The following DOCK2 variants were observed in gnomAD, a reference collection of about 807,000 sequenced individuals.
The protein encoded by DOCK2 is dedicator of cytokinesis protein 2.
In DOCK2, 87 loss-of-function variants were observed where a neutral mutation model predicts 248.9. The ratio of observed to expected loss-of-function variants is 0.35; its 90% CI spans 0.29 to 0.42. DOCK2 has a LOEUF of 0.42. Ranked by LOEUF, DOCK2 falls within the 10% of genes least tolerant of loss-of-function variation. The pLI is 1.00. For synonymous variants in DOCK2, 805 were observed against 821.6 expected, an observed-to-expected ratio of 0.98 and a Z score of 0.35; for missense variants, 1,747 against 2,300.2, an observed-to-expected ratio of 0.76 and a Z score of 4.92.
intron 22 of DOCK2, among the ~76,000 whole-genome samples, chr5:169,731,409 C>T (rs1316687121): frequency 6.6e-6 from 1 of 152,170 alleles, no homozygotes; most frequent in African/African-American, 2.4e-5. Context: ...CACAAGCTCC[C>T]TCTTTGCCTG....
At chr5:170,041,901 G>A in intron 37 of DOCK2, 112 bp from the exon 38 acceptor site, 2 of 1,308,894 alleles carry the variant, frequency 1.5e-6, no homozygotes, top group Non-Finnish European at 1.0e-6. Flanking sequence ...GAGGAGAGAT[G>A]GAAAGGACAG....
chr5:169,861,133 T>C (rs974330511), intron 27 of DOCK2, among the ~76,000 whole-genome samples: 2 of 152,192 alleles, frequency 1.3e-5, no homozygotes, highest in Non-Finnish European at 2.9e-5. Context: ...CGGGGCTTCA[T>C]GTGATCATCG....
chr5:169,871,954 G>A (rs1226088301), intron 27 of DOCK2, among the ~76,000 whole-genome samples: 2 of 152,204 alleles, frequency 1.3e-5, no homozygotes, highest in Admixed American at 1.3e-4. Flanking sequence ...TCTTGGGTCT[G>A]GTATAGCCTG....
At chr5:169,880,481 G>C (rs1001892670) in intron 27 of DOCK2, among the ~76,000 whole-genome samples, 3 of 152,172 alleles carry the variant, frequency 2.0e-5, no homozygotes, top group Non-Finnish European at 4.4e-5. Context: ...AAGCAAAACT[G>C]TTCACTTTGG....
intron 19 of DOCK2, among the ~76,000 whole-genome samples, chr5:169,715,769 T>A (rs1761873907): frequency 6.6e-6 from 1 of 152,098 alleles, no homozygotes. Context: ...GTAGATTCCC[T>A]CATACCCCTT....
At position 169,928,917 on chromosome 5, in the gene DOCK2, A is replaced by C. The variant is rs1204012770; in HGVS notation, c.2800-54151A>C. Among the ~76,000 whole-genome samples, 4 of 152,212 alleles carry C rather than the reference A, an allele frequency of 2.6e-5. No individual in the cohort carries two copies. The East Asian group carries it at 7.7e-4, about 29-fold the overall frequency. On this transcript the variant is annotated intron_variant, in intron 27 of 51. Transcript: ENST00000520908. Reference sequence around the variant, plus strand: ...CTGTTCCTGCTTGAATAGTGGAATAATTAGCAGATAACTGCGCTATTAATT... The same window carrying C: ...CTGTTCCTGCTTGAATAGTGGAATACTTAGCAGATAACTGCGCTATTAATT...
At chr5:169,866,327 G>A (rs1349726256) in intron 27 of DOCK2, among the ~76,000 whole-genome samples, 2 of 152,158 alleles carry the variant, frequency 1.3e-5, no homozygotes, top group East Asian at 1.9e-4. Flanking sequence ...ATGAAACATA[G>A]GCTGTGGTTT....
chr5:169,811,444 G>A (rs1235514313), intron 26 of DOCK2, among the ~76,000 whole-genome samples: 1 of 152,240 alleles, frequency 6.6e-6, no homozygotes, highest in Non-Finnish European at 1.5e-5. Context: ...AAGGCTTGCT[G>A]AAATTCTTTT....
intron 27 of DOCK2, chr5:169,883,392 T>A: frequency 6.4e-7 from 1 of 1,551,650 alleles, no homozygotes; most frequent in South Asian, 1.2e-5. Context: ...TTGGGAGGAA[T>A]GCATGGGACA....
intron 26 of DOCK2, among the ~76,000 whole-genome samples, chr5:169,830,730 A>C (rs997986726): frequency 6.6e-6 from 1 of 152,202 alleles, no homozygotes; most frequent in African/African-American, 2.4e-5. Context: ...TGTTTTGCTT[A>C]TTTAGCTGGT....
At chr5:169,702,055 A>G in intron 13 of DOCK2, 1 of 327,904 alleles carries the variant, frequency 3.0e-6, no homozygotes. Context: ...GTCGAGAAAA[A>G]CATGGCCAAT....
At chr5:169,717,349 G>T (rs1325521732) in intron 20 of DOCK2, 35 bp from the exon 21 acceptor site, 1 of 1,586,310 alleles carries the variant, frequency 6.3e-7, no homozygotes, top group African/African-American at 1.3e-5. Context: ...CCCTGGGTTT[G>T]CCCTGAAAAT....
intron 25 of DOCK2, among the ~76,000 whole-genome samples, chr5:169,785,585 A>G (rs868525251): frequency 6.6e-6 from 1 of 152,180 alleles, no homozygotes; most frequent in South Asian, 2.1e-4. Flanking sequence ...ACTAGATTGC[A>G]GTATTTGAGT....
At chr5:170,047,722 CTCTG>C (rs142953543) in intron 40 of DOCK2, 108 bp downstream of exon 40, 6 of 1,005,602 alleles carry the variant, frequency 6.0e-6, no homozygotes, top group African/African-American at 4.9e-5. Context: ...CGGTGCTCTT[CTCTG>C]TCTGAGTGCT....
chr5:169,851,920 G>A (rs1001401121), intron 27 of DOCK2, among the ~76,000 whole-genome samples: 4 of 152,076 alleles, frequency 2.6e-5, no homozygotes, highest in Admixed American at 1.3e-4. Context: ...GGGATTATGG[G>A]GATTACAATT....
chr5:170,050,386 C>G lies in DOCK2; in HGVS notation c.4202C>G (p.Ala1401Gly). The G allele has an allele frequency of 6.2e-7, 1 of 1,613,918 alleles. No homozygotes were observed. Among genetic ancestry groups the G allele is most frequent in the Non-Finnish European group, 8.5e-7 (1 of 1,179,852 alleles). Reference sequence around the variant, plus strand: ...GCCCCGGGAGATGATGTGAAGAATGCCCCAGGCCAGTGTATCCTTGGAGAA... The same window carrying G: ...GCCCCGGGAGATGATGTGAAGAATGGCCCAGGCCAGTGTATCCTTGGAGAA... ...TSAPGDDVKNAPGQYIQCFTV... is the reference protein window; with the variant it reads ...TSAPGDDVKNGPGQYIQCFTV... The change falls in exon 41 of 52, where the codon GCC becomes GGC. Residue 1401 changes from alanine to glycine, a missense_variant. Transcript: ENST00000520908.
intron 27 of DOCK2, among the ~76,000 whole-genome samples, chr5:169,901,828 A>ATGGTG (rs1320149103): frequency 1.3e-5 from 2 of 152,244 alleles, no homozygotes; most frequent in Non-Finnish European, 2.9e-5. Context: ...GCCATGTGCT[A>ATGGTG]TGGTGTTACC....
At chr5:170,047,242 T>C (rs565844726) in intron 39 of DOCK2, among the ~76,000 whole-genome samples, 1 of 152,314 alleles carries the variant, frequency 6.6e-6, no homozygotes, top group South Asian at 2.1e-4. Flanking sequence ...TACCATTTCT[T>C]TATCTGCAAA....
At chr5:169,777,055 T>C (rs1765424660) in intron 25 of DOCK2, among the ~76,000 whole-genome samples, 1 of 152,212 alleles carries the variant, frequency 6.6e-6, no homozygotes, top group Non-Finnish European at 1.5e-5. Context: ...AGACAAATCA[T>C]TGTCCTCTTT....
Sources: allele counts gnomAD v4.1 joint callset (sites outside exome capture counted in the v4.1 genomes callset), GRCh38; gene constraint gnomAD v4.1.1; transcripts MANE v1.5; gene names NCBI Gene and HGNC (gene_info 2026-07-23, HGNC 2026-07-21).